CUX1: variants seen among roughly 807,000 people sequenced by gnomAD.
The protein encoded by CUX1 is protein CASP.
Under a neutral mutation model 158.8 loss-of-function variants are expected in CUX1, and 31 were observed. The observed-to-expected ratio is 0.20, with a 90% CI of 0.15 to 0.26. The LOEUF is 0.26. CUX1 is among the 10% of genes least tolerant of loss of function. CUX1 has a pLI of 1.00. For synonymous variants in CUX1, 879 were observed against 862.1 expected (o/e 1.02, Z -0.34); for missense variants, 1,589 against 2,014.6 (o/e 0.79, Z 4.04).
chr7:102,195,512 G>A lies in CUX1; in HGVS notation c.1131G>A (p.Ala377=), dbSNP rs147937477. The A allele has an allele frequency of 6.2e-7, 1 of 1,611,600 alleles. No homozygotes were observed. The highest frequency in any genetic ancestry group is 1.3e-5 in the African/African-American group (1 of 75,052). ...APSEGAGTQD[A]AKPLEVLLLE... is the part of the protein sequence containing the mutation. Reference sequence around the variant, plus strand: ...CCCCGCTCTGCCCCTTCTAGGATGCGGCCAAGCCCCTGGAGGTGCTGTTGC... The same window carrying A: ...CCCCGCTCTGCCCCTTCTAGGATGCAGCCAAGCCCCTGGAGGTGCTGTTGC... The change falls in exon 14 of 24, where the codon GCG becomes GCA. Residue 377 remains alanine (A), a synonymous_variant. Transcript: ENST00000292535.
In CUX1 at chr7:102,201,998, A is replaced by G. The variant is rs558409016; in HGVS notation, c.2701A>G (p.Ser901Gly). ...CTCAGAGCTGAGTCTGACCGGGGCC[A>G]GCCGCAGCGAGACACCACAGAACAG... ...QSSELSLTGA[S>G]RSETPQNSPL... is the part of the protein sequence containing the mutation. The change falls in exon 18 of 24, where the codon AGC (serine) becomes GGC (glycine). Residue 901 changes from serine (S) to glycine (G), a missense_variant. Ser to Gly is a moderately conservative substitution (Grantham distance 56). Transcript: ENST00000292535. The surrounding 1 kb of genome is among the most constrained non-coding windows in gnomAD (Gnocchi z 5.0). 4 of 1,614,070 alleles carry G rather than the reference A, an allele frequency of 2.5e-6. No homozygotes were observed. The highest frequency in any genetic ancestry group is 3.3e-5 in the Admixed American group (2 of 60,026).
intron 2 of CUX1, among the ~76,000 whole-genome samples, chr7:101,988,484 A>T (rs989263948): frequency 6.6e-6 from 1 of 151,968 alleles, no homozygotes; most frequent in African/African-American, 2.4e-5. Flanking sequence ...CCTGCCACAG[A>T]TCTGTGTCCC....
At chr7:102,182,327 A>G (rs1793187215) in intron 11 of CUX1, among the ~76,000 whole-genome samples, 1 of 152,170 alleles carries the variant, frequency 6.6e-6, no homozygotes. Flanking sequence ...TTCCACCCAT[A>G]CTTTCCAATG....
At chr7:101,827,507 T>C (rs1793477614) in intron 1 of CUX1, among the ~76,000 whole-genome samples, 1 of 152,020 alleles carries the variant, frequency 6.6e-6, no homozygotes, top group Non-Finnish European at 1.5e-5. Flanking sequence ...GACAGGGTCT[T>C]GCTTTGTTGC....
At chr7:101,977,303 A>C (rs1316459654) in intron 2 of CUX1, among the ~76,000 whole-genome samples, 1 of 151,936 alleles carries the variant, frequency 6.6e-6, no homozygotes, top group Non-Finnish European at 1.5e-5. Flanking sequence ...TACTTAAAAC[A>C]TTGCTCTTTT....
intron 4 of CUX1, among the ~76,000 whole-genome samples, chr7:102,081,285 G>T (rs1827374259): frequency 8.6e-6 from 1 of 116,824 alleles, no homozygotes; most frequent in African/African-American, 2.6e-5. Flanking sequence ...GATAGTCAGT[G>T]ACATCACCAT....
chr7:102,165,947 G>A (rs1304610044), intron 9 of CUX1, among the ~76,000 whole-genome samples: 15 of 152,186 alleles, frequency 9.9e-5, no homozygotes, highest in African/African-American at 3.6e-4. Context: ...CCTGAGACAC[G>A]GTGTCGCTGG....
chr7:102,118,371 C>G (rs1404560965), intron 8 of CUX1, among the ~76,000 whole-genome samples: 1 of 152,098 alleles, frequency 6.6e-6, no homozygotes, highest in African/African-American at 2.4e-5. Flanking sequence ...AAGCCTGTCT[C>G]TACAAAAAAT....
At position 102,255,086 on chromosome 7, in the gene CUX1, CA is replaced by C; in HGVS notation, c.*6045del. The C allele has an allele frequency of 1.0e-6, 1 of 985,488 alleles. No homozygotes were observed. The highest frequency in any genetic ancestry group is 1.7e-5 in the African/African-American group (1 of 57,336). The allele number at this position is 985,488 out of a possible 1,614,324, so 61.0% of individuals were successfully genotyped here. A position where few individuals can be genotyped will look rare whatever the true frequency, so the allele number is the denominator to read the frequency against. On this transcript the variant is annotated 3_prime_UTR_variant, in exon 24 of 24. Coordinates refer to ENST00000292535, the MANE Select transcript of CUX1 (RefSeq NM_181552.4). The stretch of plus-strand genomic sequence containing the variant: ...CAGCCCTACTCCCGGCCCCCCAGCC[CA>C]GTCTTCCCAATCCCAGAGGCCCCGG...
intron 20 of CUX1, among the ~76,000 whole-genome samples, chr7:102,208,881 T>C (rs1796218779): frequency 6.6e-6 from 1 of 152,174 alleles, no homozygotes. Context: ...TGAATGTCAG[T>C]GAGAAATGCT....
Position 101,916,235 on chromosome 7 carries a change from G to T in CUX1, c.141+10G>T. The T allele has an allele frequency of 6.5e-7, 1 of 1,531,808 alleles. No homozygotes were observed. Among genetic ancestry groups the T allele is most frequent in the Non-Finnish European group, 9.0e-7 (1 of 1,105,274 alleles). The allele number at this position is 1,531,808 out of a possible 1,614,324, so 94.9% of individuals were successfully genotyped here. A position where few individuals can be genotyped will look rare whatever the true frequency, so the allele number is the denominator to read the frequency against. ...GAAGAACACTCCAGAGGTGAGGCGCGTGACCATCGTGTTCGCTTTGAAGGG... is the reference window on the plus strand; with the variant it reads ...GAAGAACACTCCAGAGGTGAGGCGCTTGACCATCGTGTTCGCTTTGAAGGG... On this transcript the variant is annotated intron_variant, in intron 2 of 23. Coordinates refer to ENST00000292535, the MANE Select transcript of CUX1 (RefSeq NM_181552.4). The surrounding 1 kb of genome is among the most constrained non-coding windows in gnomAD (Gnocchi z 4.4).
intron 3 of CUX1, among the ~76,000 whole-genome samples, chr7:102,051,549 A>C (rs572363527): frequency 7.2e-5 from 11 of 151,938 alleles, no homozygotes; most frequent in Non-Finnish European, 1.5e-4. Context: ...TTAGGGTAGG[A>C]AAATCAGAGG....
intron 1 of CUX1, among the ~76,000 whole-genome samples, chr7:101,840,135 G>A (rs1362890134): frequency 6.6e-6 from 1 of 152,168 alleles, no homozygotes. Context: ...ATTGGTTTTT[G>A]TTGATTTCGA....
At chr7:102,135,348 A>G (rs1280717942) in intron 8 of CUX1, among the ~76,000 whole-genome samples, 1 of 152,184 alleles carries the variant, frequency 6.6e-6, no homozygotes, top group Non-Finnish European at 1.5e-5. Context: ...ATTAAGTGGA[A>G]GTGGATCATC....
chr7:102,221,260 C>T (rs1375606594), intron 20 of CUX1, among the ~76,000 whole-genome samples: 4 of 152,260 alleles, frequency 2.6e-5, no homozygotes, highest in African/African-American at 9.6e-5. Context: ...CATTTTGTTT[C>T]AGCAACTTGT....
chr7:102,278,435 C>T (rs1430407815), intron 18 of CUX1, among the ~76,000 whole-genome samples: 1 of 151,308 alleles, frequency 6.6e-6, no homozygotes, highest in Non-Finnish European at 1.5e-5. Context: ...ACTAAAAATA[C>T]AAAAAAAGTA....
intron 1 of CUX1, among the ~76,000 whole-genome samples, chr7:101,875,426 G>T (rs776378181): frequency 9.9e-5 from 15 of 152,170 alleles, no homozygotes; most frequent in Non-Finnish European, 1.5e-4. Flanking sequence ...ACACTTGGCT[G>T]TTAGACATGG....
intron 1 of CUX1, among the ~76,000 whole-genome samples, chr7:101,900,421 C>G (rs1802027992): frequency 6.6e-6 from 1 of 152,206 alleles, no homozygotes; most frequent in Admixed American, 6.5e-5. Context: ...CAGCTCTCAG[C>G]CAATGGCAGG....
At chr7:102,126,552 T>A (rs554956859) in intron 8 of CUX1, among the ~76,000 whole-genome samples, 2 of 152,294 alleles carry the variant, frequency 1.3e-5, no homozygotes, top group East Asian at 3.9e-4. Context: ...TCGTAACTTG[T>A]AAATACCTTA....
Sources: allele counts gnomAD v4.1 joint callset (sites outside exome capture counted in the v4.1 genomes callset), GRCh38; gene constraint gnomAD v4.1.1; non-coding constraint Gnocchi (gnomAD v3.1); transcripts MANE v1.5; gene names NCBI Gene and HGNC (gene_info 2026-07-23, HGNC 2026-07-21).